PTPRD: variants seen among roughly 807,000 people sequenced by gnomAD.
PTPRD encodes receptor-type tyrosine-protein phosphatase delta.
In PTPRD, 34 loss-of-function variants were observed where a neutral mutation model predicts 214.5. The observed-to-expected ratio is 0.16, with a 90% CI of 0.12 to 0.21. PTPRD has a LOEUF of 0.21. PTPRD is among the 10% of genes least tolerant of loss of function. The pLI is 1.00. For missense variants in PTPRD, 2,545 were observed against 2,398.7 expected (o/e 1.06, Z -1.27); for synonymous variants, 1,128 against 845.7 (o/e 1.33, Z -5.79).
rs151316779 is a variant in PTPRD at position 8,870,523 on chromosome 9, G to C, written c.-103-136577C>G. On this transcript the variant is annotated intron_variant, in intron 11 of 45. Coordinates refer to ENST00000381196, the MANE Select transcript of PTPRD (RefSeq NM_002839.4). ...TTTCTCAAACTTTCCAAATTCTTTTGGTTCACCACCCCAACCTTAGTAATG... is the reference window on the plus strand; with the variant it reads ...TTTCTCAAACTTTCCAAATTCTTTTCGTTCACCACCCCAACCTTAGTAATG... 8.7e-3 allele frequency among the ~76,000 whole-genome samples: 1,325 copies of C among 152,166 alleles called. 20 individuals are homozygous for C. Among genetic ancestry groups the C allele is most frequent in the African/African-American group, 0.029 (1,203 of 41,514 alleles).
chr9:9,073,132 G>A (rs2099746260), intron 10 of PTPRD, among the ~76,000 whole-genome samples: 1 of 152,176 alleles, frequency 6.6e-6, no homozygotes, highest in South Asian at 2.1e-4. Context: ...ACACTAATTA[G>A]TAATAACATG....
Position 9,140,325 on chromosome 9 carries a change from C to T in PTPRD, c.-143+42979G>A, listed in dbSNP as rs1204912011. Reference sequence around the variant, plus strand: ...TTATTTTCTCCTGTATTGGCTAACCCTTGGTATATGTGTACATACCCACAT... The same window carrying T: ...TTATTTTCTCCTGTATTGGCTAACCTTTGGTATATGTGTACATACCCACAT... On this transcript the variant is annotated intron_variant, in intron 10 of 45. Coordinates refer to ENST00000381196, the MANE Select transcript of PTPRD (RefSeq NM_002839.4). 2.0e-5 allele frequency among the ~76,000 whole-genome samples: 3 copies of T among 152,250 alleles called. No homozygotes were observed. In the East Asian group the frequency reaches 5.8e-4, roughly 29 times the overall value.
chr9:9,516,475 A>G (rs1020316884), intron 8 of PTPRD, among the ~76,000 whole-genome samples: 35 of 151,318 alleles, frequency 2.3e-4, no homozygotes, highest in African/African-American at 7.0e-4. Context: ...CATTTATAAA[A>G]CCATAAACTT....
At chr9:10,434,217 T>A (rs545632317) in intron 2 of PTPRD, among the ~76,000 whole-genome samples, 1 of 151,914 alleles carries the variant, frequency 6.6e-6, no homozygotes, top group South Asian at 2.1e-4. Context: ...ATAAACTCCA[T>A]ATGCATCACT....
chr9:8,754,607 G>C (rs1386932584), intron 11 of PTPRD, among the ~76,000 whole-genome samples: 2 of 152,124 alleles, frequency 1.3e-5, no homozygotes, highest in African/African-American at 2.4e-5. Flanking sequence ...TAACATATTA[G>C]AGACCTAGAT....
At chr9:10,346,494 A>C (rs1465325234) in intron 2 of PTPRD, among the ~76,000 whole-genome samples, 1 of 152,234 alleles carries the variant, frequency 6.6e-6, no homozygotes, top group Non-Finnish European at 1.5e-5. Context: ...TAATATCAAA[A>C]AACTATTCAT....
chr9:9,554,015 A>G (rs547205314), intron 8 of PTPRD, among the ~76,000 whole-genome samples: 2 of 152,170 alleles, frequency 1.3e-5, no homozygotes, highest in Admixed American at 6.6e-5. Flanking sequence ...GGAACATGAC[A>G]TCTGAGAATT....
At chr9:9,878,370 T>C (rs1393259666) in intron 5 of PTPRD, among the ~76,000 whole-genome samples, 1 of 152,108 alleles carries the variant, frequency 6.6e-6, no homozygotes, top group Non-Finnish European at 1.5e-5. Context: ...TCACAATCAC[T>C]GGGAATGCTA....
chr9:8,336,604 TTAAAC>T (rs374643854), intron 43 of PTPRD, among the ~76,000 whole-genome samples: 8,751 of 140,830 alleles, frequency 0.062, 2 homozygotes, highest in Middle Eastern at 0.11. Flanking sequence ...TGGGATCTAA[TTAAAC>T]TAAAGAGCTT....
intron 4 of PTPRD, among the ~76,000 whole-genome samples, chr9:9,976,689 C>CAAAAAAAAAAA (rs869096131): frequency 4.1e-4 from 26 of 63,244 alleles, no homozygotes; most frequent in African/African-American, 8.4e-4. Flanking sequence ...ACCCTGCCAC[C>CAAAAAAAAAAA]AAAAAAAAAA....
intron 10 of PTPRD, among the ~76,000 whole-genome samples, chr9:9,073,233 G>T (rs928276622): frequency 6.6e-6 from 1 of 152,162 alleles, no homozygotes; most frequent in African/African-American, 2.4e-5. Context: ...CAAGCACTGT[G>T]CAAGGCATTG....
intron 4 of PTPRD, among the ~76,000 whole-genome samples, chr9:9,984,022 A>G (rs540152551): frequency 6.6e-6 from 1 of 152,192 alleles, no homozygotes; most frequent in Non-Finnish European, 1.5e-5. Context: ...AAAACAAAAA[A>G]ATTGAGAAGC....
intron 5 of PTPRD, among the ~76,000 whole-genome samples, chr9:9,833,279 T>G (rs1399363209): frequency 6.6e-6 from 1 of 151,950 alleles, no homozygotes; most frequent in Non-Finnish European, 1.5e-5. Context: ...AAGCTGGGCA[T>G]CCGGGGGAAA....
rs756662202 is a variant in PTPRD at position 8,507,444 on chromosome 9, G to A, written c.1544-10C>T. ...AGTGGCTGCCCTGGTACTAAAAACAGGGAGGCAATGGATTGAACTCACAAT... is the reference window on the plus strand; with the variant it reads ...AGTGGCTGCCCTGGTACTAAAAACAAGGAGGCAATGGATTGAACTCACAAT... On this transcript the variant is annotated splice_polypyrimidine_tract_variant and intron_variant, in intron 21 of 45. Coordinates refer to ENST00000381196, the MANE Select transcript of PTPRD (RefSeq NM_002839.4). 1 of 1,613,628 alleles carries A rather than the reference G, an allele frequency of 6.2e-7. No homozygotes were observed. Among genetic ancestry groups the A allele is most frequent in the Non-Finnish European group, 8.5e-7 (1 of 1,179,624 alleles).
At chr9:10,459,557 C>T (rs1239745401) in intron 2 of PTPRD, among the ~76,000 whole-genome samples, 1 of 152,126 alleles carries the variant, frequency 6.6e-6, no homozygotes, top group Admixed American at 6.5e-5. Flanking sequence ...TCCTCTCCAG[C>T]ATCTGTTGTT....
intron 3 of PTPRD, among the ~76,000 whole-genome samples, chr9:10,303,056 A>G (rs1013293584): frequency 2.6e-5 from 4 of 151,948 alleles, no homozygotes; most frequent in African/African-American, 9.7e-5. Flanking sequence ...ATCATAACAA[A>G]CAGTCTCTCA....
At chr9:10,178,402 G>A (rs1308307367) in intron 3 of PTPRD, among the ~76,000 whole-genome samples, 2 of 151,782 alleles carry the variant, frequency 1.3e-5, no homozygotes, top group Non-Finnish European at 2.9e-5. Flanking sequence ...AGGGATATGA[G>A]CACTTCAATT....
rs116855360 is a variant in PTPRD at position 8,961,668 on chromosome 9, T to A, written c.-104+57029A>T. Among the ~76,000 whole-genome samples the A allele has an allele frequency of 3.4e-4, 52 of 152,218 alleles. 1 individual carries two copies. The highest frequency in any genetic ancestry group is 6.2e-4 in the Non-Finnish European group (42 of 67,994). On this transcript the variant is annotated intron_variant, in intron 11 of 45. Coordinates refer to ENST00000381196, the MANE Select transcript of PTPRD (RefSeq NM_002839.4). ...CCATAGCTGAACAGAAGGTTTTAGT[T>A]TCCACTGCCTGCTAGGCTACTTAAC...
intron 11 of PTPRD, among the ~76,000 whole-genome samples, chr9:8,948,555 A>ATATATATATTTATATATATATT (rs2099084797): frequency 1.1e-5 from 1 of 91,014 alleles, no homozygotes; most frequent in Non-Finnish European, 2.0e-5. Flanking sequence ...ATATATATTT[A>ATATATATATTTATATATATATT]TATATATTTA....
Sources: gnomAD v4.1 joint callset for allele counts (sites outside exome capture counted in the v4.1 genomes callset) on GRCh38, gnomAD v4.1.1 for gene constraint, MANE v1.5 for transcripts, NCBI Gene and HGNC (gene_info 2026-07-23, HGNC 2026-07-21) for gene names.